Variants in RIMS1 observed in about 807,000 individuals in gnomAD.
RIMS1 encodes the protein regulating synaptic membrane exocytosis protein 1.
RIMS1 carries 83 observed loss-of-function variants against 214.1 expected under a neutral mutation model. That is an observed-to-expected ratio of 0.39 (90% CI 0.32 to 0.47). The LOEUF (loss-of-function observed/expected upper bound fraction) is 0.47. Among genes scored for constraint, RIMS1 ranks in the 20% least tolerant of loss-of-function variants. The probability of loss-of-function intolerance (pLI) is 0.99; values close to 1 mark genes in which losing one functional copy is unlikely to be tolerated. For missense variants in RIMS1, 2,050 were observed against 2,161.8 expected (o/e 0.95, Z 1.03); for synonymous variants, 793 against 786.8 (o/e 1.01, Z -0.13).
chr6:72,012,414 G>T (rs193013673), intron 2 of RIMS1, among the ~76,000 whole-genome samples: 77 of 152,212 alleles, frequency 5.1e-4, no homozygotes, highest in African/African-American at 1.8e-3. Flanking sequence ...CACTAACATG[G>T]CACATGTATA....
At chr6:72,062,383 C>T (rs549988946) in intron 2 of RIMS1, among the ~76,000 whole-genome samples, 45 of 152,128 alleles carry the variant, frequency 3.0e-4, no homozygotes, top group African/African-American at 1.1e-3. Context: ...TTCTTTCCAT[C>T]CCTGTCTCAC....
At chr6:72,155,159 G>A (rs1445161279) in intron 4 of RIMS1, among the ~76,000 whole-genome samples, 1 of 140,824 alleles carries the variant, frequency 7.1e-6, no homozygotes, top group Non-Finnish European at 1.6e-5. Flanking sequence ...TGTGATGAGA[G>A]GAGCTGCCGT....
chr6:71,979,111 C>G (rs1797851364), intron 2 of RIMS1, among the ~76,000 whole-genome samples: 1 of 152,018 alleles, frequency 6.6e-6, no homozygotes, highest in Non-Finnish European at 1.5e-5. Context: ...TTTTCTCTTT[C>G]TGAATGCTCA....
chr6:72,262,255 T>C (rs1591079344), intron 19 of RIMS1: 1 of 812,212 alleles, frequency 1.2e-6, no homozygotes, highest in Non-Finnish European at 1.5e-6. Context: ...CATCATTTTA[T>C]ATAATCTTAT....
At chr6:72,177,312 C>T (rs181235246) in intron 4 of RIMS1, among the ~76,000 whole-genome samples, 2 of 152,130 alleles carry the variant, frequency 1.3e-5, no homozygotes, top group Non-Finnish European at 2.9e-5. Context: ...AGAACAGTGG[C>T]GGGATCTCAG....
chr6:72,012,690 A>T (rs1235365329), intron 2 of RIMS1, among the ~76,000 whole-genome samples: 1 of 152,188 alleles, frequency 6.6e-6, no homozygotes, highest in East Asian at 1.9e-4. Context: ...AGAGATGTAC[A>T]CAGCAAGGTT....
At chr6:71,906,761 G>C (rs1332412261) in intron 1 of RIMS1, among the ~76,000 whole-genome samples, 2 of 152,104 alleles carry the variant, frequency 1.3e-5, no homozygotes, top group Non-Finnish European at 2.9e-5. Context: ...TGTCTTATTT[G>C]TGAAATGGGG....
At chr6:72,179,249 T>C (rs951981777) in intron 4 of RIMS1, among the ~76,000 whole-genome samples, 8 of 152,188 alleles carry the variant, frequency 5.3e-5, no homozygotes, top group Non-Finnish European at 1.2e-4. Flanking sequence ...ACTACCTTGC[T>C]TAGAACATTT....
At chr6:72,317,318 G>T in intron 28 of RIMS1, 1 of 260,292 alleles carries the variant, frequency 3.8e-6, no homozygotes, top group East Asian at 8.0e-5. Context: ...GCTGTGTTCT[G>T]CCACCATAGC....
At chr6:72,346,787 CAT>C (rs1171125705) in intron 29 of RIMS1, among the ~76,000 whole-genome samples, 1 of 151,810 alleles carries the variant, frequency 6.6e-6, no homozygotes, top group South Asian at 2.1e-4. Context: ...TGTCAATAAA[CAT>C]AGTTTTATTG....
In RIMS1 at chr6:71,887,002, A is replaced by C; in HGVS notation, c.-22A>C. 2 of 1,609,310 alleles carry C rather than the reference A, an allele frequency of 1.2e-6. No homozygotes were observed. On this transcript the variant is annotated 5_prime_UTR_variant, in exon 1 of 34. Coordinates refer to ENST00000521978, the MANE Select transcript of RIMS1 (RefSeq NM_014989.7). ...AAGGTGAGAGCCAGAGAGCGAGCAG[A>C]GGGGGCGGGCAGGCCACGAAAATGT...
In RIMS1 at chr6:71,887,085, A is replaced by G. The variant is rs1582804075; in HGVS notation, c.62A>G (p.Glu21Gly). ...RPPTVPPPMQELPDLSHLTEE... is the reference protein window; with the variant it reads ...RPPTVPPPMQGLPDLSHLTEE... ...CCCACGGTGCCTCCCCCCATGCAAG[A>G]GCTGCCCGACCTGAGCCACCTGACC... Residue 21 changes from glutamate to glycine, a missense_variant, in exon 1 of 34, where the codon GAG (glutamate) becomes GGG (glycine). Physicochemically the swap from Glu to Gly is moderately conservative, Grantham distance 98 (BLOSUM62 -2). This residue lies in a region of RIMS1 where 882 missense variants were observed against 828.9 expected (regional missense o/e 1.06). Transcript: ENST00000521978. 1.2e-6 allele frequency: 2 copies of G among 1,613,558 alleles called. No individual in the cohort carries two copies. The highest frequency in any genetic ancestry group is 1.7e-6 in the Non-Finnish European group (2 of 1,179,772).
intron 1 of RIMS1, among the ~76,000 whole-genome samples, chr6:71,931,604 T>G (rs1783067384): frequency 6.6e-6 from 1 of 152,032 alleles, no homozygotes; most frequent in South Asian, 2.1e-4. Flanking sequence ...CTTTTTTTTT[T>G]CTTGTAAATT....
intron 4 of RIMS1, among the ~76,000 whole-genome samples, chr6:72,176,335 T>C (rs2047703373): frequency 6.6e-6 from 1 of 152,238 alleles, no homozygotes; most frequent in African/African-American, 2.4e-5. Flanking sequence ...CACTCTTGTA[T>C]TATCTATAGC....
chr6:72,250,212 A>C (rs2072549544), intron 12 of RIMS1, 118 bp from the exon 13 acceptor site: 2 of 899,516 alleles, frequency 2.2e-6, no homozygotes, highest in African/African-American at 3.4e-5. Context: ...AAATATCTGT[A>C]ATTGCATTAT....
intron 19 of RIMS1, 100 bp from the exon 20 acceptor site, chr6:72,264,875 C>A: frequency 1.5e-6 from 1 of 659,492 alleles, no homozygotes; most frequent in Admixed American, 3.3e-5. Flanking sequence ...AAAGATTTAT[C>A]TATATAGCTT....
intron 1 of RIMS1, among the ~76,000 whole-genome samples, chr6:71,888,198 G>C (rs1196052343): frequency 6.6e-6 from 1 of 152,132 alleles, no homozygotes; most frequent in East Asian, 1.9e-4. Context: ...TCCTTGCTTA[G>C]CATCACCCAT....
chr6:72,181,466 T>C (rs1016486325), intron 5 of RIMS1, among the ~76,000 whole-genome samples: 1 of 152,218 alleles, frequency 6.6e-6, no homozygotes, highest in Non-Finnish European at 1.5e-5. Flanking sequence ...TTAAATAAGA[T>C]AGAGAATTTG....
At chr6:71,976,526 G>A (rs1797184611) in intron 2 of RIMS1, among the ~76,000 whole-genome samples, 1 of 152,140 alleles carries the variant, frequency 6.6e-6, no homozygotes, top group African/African-American at 2.4e-5. Flanking sequence ...TTGCAATATT[G>A]TCTCCCATTT....
Sources: gnomAD v4.1 joint callset for allele counts (sites outside exome capture counted in the v4.1 genomes callset) on GRCh38, gnomAD v4.1.1 for gene constraint, gnomAD v4.1.1 regional missense constraint, MANE v1.5 for transcripts, NCBI Gene and HGNC (gene_info 2026-07-23, HGNC 2026-07-21) for gene names.